The following RBFOX1 variants were observed in gnomAD, a reference collection of about 807,000 sequenced individuals.
RBFOX1 encodes RNA binding fox-1 homolog 1, also known as RNA binding protein fox-1 homolog 1.
In RBFOX1, 8 loss-of-function variants were observed where a neutral mutation model predicts 57.7. The observed-to-expected ratio is 0.14, with a 90% confidence interval of 0.08 to 0.25. RBFOX1 has a LOEUF of 0.25. Among genes scored for constraint, RBFOX1 ranks in the 10% least tolerant of loss-of-function variants. The pLI is 1.00. For missense variants in RBFOX1, 611 were observed against 548.5 expected, an observed-to-expected ratio of 1.11 and a Z score of -1.14; for synonymous variants, 326 against 222.4, an observed-to-expected ratio of 1.47 and a Z score of -4.15.
chr16:6,502,126 C>G (rs1354787222), intron 2 of RBFOX1, among the ~76,000 whole-genome samples: 1 of 152,104 alleles, frequency 6.6e-6, no homozygotes, highest in Non-Finnish European at 1.5e-5. Flanking sequence ...CCAAAAAATT[C>G]CTTCAGTGTC....
chr16:5,725,807 G>T (rs1318640189), intron 3 of RBFOX1, among the ~76,000 whole-genome samples: 1 of 151,988 alleles, frequency 6.6e-6, no homozygotes, highest in Non-Finnish European at 1.5e-5. Context: ...ACTCAGGGCT[G>T]TTCTAGGATG....
intron 3 of RBFOX1, among the ~76,000 whole-genome samples, chr16:6,771,233 A>G (rs1388416047): frequency 6.6e-6 from 1 of 152,114 alleles, no homozygotes; most frequent in Non-Finnish European, 1.5e-5. Flanking sequence ...TTGAACTTCT[A>G]CCCTCCAGAA....
At position 7,190,401 on chromosome 16, in the gene RBFOX1, C is replaced by T. The variant is rs183325627; in HGVS notation, c.27+138303C>T. On this transcript the variant is annotated intron_variant, in intron 4 of 15. Coordinates refer to ENST00000550418, the MANE Select transcript of RBFOX1 (RefSeq NM_018723.4). ...AATATAAAATAAAAAATAAAACTTC[C>T]CTCATTGTTTTTGTTGTCAGCCTTT... 1.8e-3 allele frequency among the ~76,000 whole-genome samples: 280 copies of T among 152,176 alleles called. 1 individual carries two copies. Among genetic ancestry groups the T allele is most frequent in the African/African-American group, 6.0e-3 (249 of 41,538 alleles).
At chr16:5,949,097 C>G (rs1386951475) in intron 4 of RBFOX1, among the ~76,000 whole-genome samples, 2 of 152,050 alleles carry the variant, frequency 1.3e-5, no homozygotes, top group African/African-American at 4.8e-5. Flanking sequence ...CATGTCCTCC[C>G]CAACTACTAG....
rs2153070348 is a variant in RBFOX1, at chr16:7,261,723, A to G, written c.27+209625A>G. Among the ~76,000 whole-genome samples the G allele has an allele frequency of 1.3e-5, 2 of 152,290 alleles. 1 individual carries two copies. Among genetic ancestry groups the G allele is most frequent in the Middle Eastern group, 6.8e-3 (2 of 294 alleles). On this transcript the variant is annotated intron_variant, in intron 4 of 15. Transcript: ENST00000550418. The stretch of plus-strand genomic sequence containing the variant: ...TATTGATAAAAATAGGCATCATGAT[A>G]ATAATAGTATCTACCTGATAGGATG...
intron 1 of RBFOX1, among the ~76,000 whole-genome samples, chr16:5,382,680 C>A (rs1332483580): frequency 6.6e-6 from 1 of 152,114 alleles, no homozygotes; most frequent in Non-Finnish European, 1.5e-5. Flanking sequence ...ATTGTGCTGA[C>A]CTCATTTAAT....
chr16:7,484,275 T>C (rs549889309), intron 4 of RBFOX1, among the ~76,000 whole-genome samples: 1 of 152,344 alleles, frequency 6.6e-6, no homozygotes, highest in South Asian at 2.1e-4. Flanking sequence ...TTTTTGGCTA[T>C]TAAGAATGCT....
At chr16:7,258,117 C>T (rs908812716) in intron 4 of RBFOX1, among the ~76,000 whole-genome samples, 6 of 152,156 alleles carry the variant, frequency 3.9e-5, no homozygotes, top group African/African-American at 1.4e-4. Flanking sequence ...TTTCATAATT[C>T]ACTGCTTCCA....
At chr16:7,477,602 G>T (rs981208307) in intron 4 of RBFOX1, among the ~76,000 whole-genome samples, 1 of 152,132 alleles carries the variant, frequency 6.6e-6, no homozygotes, top group South Asian at 2.1e-4. Context: ...CCTGAGTTTC[G>T]TGTTCCTGGG....
At chr16:5,756,877 C>T (rs2053416523) in intron 3 of RBFOX1, among the ~76,000 whole-genome samples, 1 of 152,062 alleles carries the variant, frequency 6.6e-6, no homozygotes, top group Non-Finnish European at 1.5e-5. Flanking sequence ...CTGGGCTAAG[C>T]ACGTTACATT....
chr16:7,553,447 G>T (rs1049895391), intron 5 of RBFOX1, among the ~76,000 whole-genome samples: 9 of 152,182 alleles, frequency 5.9e-5, no homozygotes, highest in South Asian at 2.1e-4. Context: ...ACCCAGCCCA[G>T]TATCTACAAT....
chr16:5,287,010 T>C (rs1283717348), intron 1 of RBFOX1, among the ~76,000 whole-genome samples: 2 of 152,190 alleles, frequency 1.3e-5, no homozygotes, highest in African/African-American at 2.4e-5. Flanking sequence ...AGGGTTTCTA[T>C]TTAAAAAGAA....
chr16:6,525,293 A>T (rs1025841957), intron 2 of RBFOX1, among the ~76,000 whole-genome samples: 1 of 152,152 alleles, frequency 6.6e-6, no homozygotes, highest in Non-Finnish European at 1.5e-5. Context: ...TCCTAAACTT[A>T]CTGGGGAGTA....
intron 3 of RBFOX1, among the ~76,000 whole-genome samples, chr16:6,770,982 C>T (rs544781295): frequency 1.3e-5 from 2 of 152,092 alleles, no homozygotes; most frequent in Non-Finnish European, 2.9e-5. Context: ...CAAATTCTCA[C>T]CCACAGGACC....
intron 2 of RBFOX1, among the ~76,000 whole-genome samples, chr16:6,406,948 A>G (rs997470228): frequency 5.9e-5 from 9 of 152,214 alleles, no homozygotes; most frequent in African/African-American, 1.7e-4. Context: ...GCCCATCGGT[A>G]AAATGGGATT....
intron 3 of RBFOX1, among the ~76,000 whole-genome samples, chr16:6,875,329 T>G (rs1845591743): frequency 6.6e-6 from 1 of 152,204 alleles, no homozygotes; most frequent in East Asian, 1.9e-4. Context: ...AACATTTATA[T>G]TTTAATCTGT....
intron 3 of RBFOX1, chr16:6,721,808 C>G (rs191688092): frequency 6.6e-6 from 1 of 152,324 alleles, no homozygotes; most frequent in Non-Finnish European, 1.5e-5. Context: ...GTGGAAATTC[C>G]CACTCATTTC....
Position 6,537,562 on chromosome 16 carries a change from G to A in RBFOX1, c.-63-117041G>A, listed in dbSNP as rs537197211. Among the ~76,000 whole-genome samples the A allele has an allele frequency of 8.5e-5, 13 of 152,280 alleles. No homozygotes were observed. The East Asian group carries it at 1.9e-3, about 23-fold the overall frequency. On this transcript the variant is annotated intron_variant, in intron 2 of 15. Transcript: ENST00000550418. ...TAACACTCAGTGGAGTTTGAACCCA[G>A]GCAGTATGATTTCAGAGACCACGCT...
chr16:7,275,920 C>T (rs772622578), intron 4 of RBFOX1, among the ~76,000 whole-genome samples: 6 of 152,118 alleles, frequency 3.9e-5, no homozygotes, highest in Non-Finnish European at 8.8e-5. Context: ...TTGCTGACTC[C>T]CCTTAGAAGT....
Sources: gnomAD v4.1 joint callset for allele counts (sites outside exome capture counted in the v4.1 genomes callset) on GRCh38, gnomAD v4.1.1 for gene constraint, MANE v1.5 for transcripts, NCBI Gene and HGNC (gene_info 2026-07-23, HGNC 2026-07-21) for gene names.